The following CREB5 variants were observed in gnomAD, a reference collection of about 807,000 sequenced individuals.
CREB5 encodes cyclic AMP-responsive element-binding protein 5.
CREB5 carries 19 observed loss-of-function variants against 57.1 expected under a neutral mutation model. The observed-to-expected ratio is 0.33, with a 90% confidence interval of 0.23 to 0.49. The LOEUF (loss-of-function observed/expected upper bound fraction) is 0.49, where lower values mean the gene tolerates loss of function less well. CREB5 is among the 20% of genes least tolerant of loss of function. The pLI is 0.99. For missense variants in CREB5, 579 were observed against 671.6 expected, an observed-to-expected ratio of 0.86 and a Z score of 1.52; for synonymous variants, 238 against 238.3, an observed-to-expected ratio of 1.00 and a Z score of 0.01.
intron 1 of CREB5, among the ~76,000 whole-genome samples, chr7:28,343,465 C>T (rs545769179): frequency 6.6e-6 from 1 of 152,204 alleles, no homozygotes; most frequent in Non-Finnish European, 1.5e-5. Flanking sequence ...TCTGTGCCTG[C>T]CTGGCTTATT....
chr7:28,444,562 C>A (rs1789342345), intron 1 of CREB5, among the ~76,000 whole-genome samples: 1 of 152,192 alleles, frequency 6.6e-6, no homozygotes, highest in Non-Finnish European at 1.5e-5. Context: ...GGGAAAGACT[C>A]TTCCACTGGC....
chr7:28,481,925 A>G (rs913855282), intron 1 of CREB5, among the ~76,000 whole-genome samples: 7 of 152,118 alleles, frequency 4.6e-5, no homozygotes, highest in Non-Finnish European at 8.8e-5. Flanking sequence ...GACAAACACA[A>G]AGTAATTGAT....
In CREB5 at chr7:28,534,948, G is replaced by A. The variant is rs111709070; in HGVS notation, c.291+27211G>A. 4.3e-3 allele frequency among the ~76,000 whole-genome samples: 606 copies of A among 141,192 alleles called. 90 individuals carry two copies. Among genetic ancestry groups the A allele is most frequent in the African/African-American group, 0.014 (550 of 38,472 alleles). 92.6% of individuals were successfully genotyped at this position (141,192 alleles called of 152,430 possible). On this transcript the variant is annotated intron_variant, in intron 4 of 10. Transcript: ENST00000357727. ...TGAGTTCTCAAGGCCCTGATGTCCCGTATCACCTCCCAGTTATTTATTTAT... is the reference window on the plus strand; with the variant it reads ...TGAGTTCTCAAGGCCCTGATGTCCCATATCACCTCCCAGTTATTTATTTAT...
chr7:28,393,532 G>A (rs750999949), intron 1 of CREB5, among the ~76,000 whole-genome samples: 1 of 152,152 alleles, frequency 6.6e-6, no homozygotes, highest in Non-Finnish European at 1.5e-5. Flanking sequence ...GAAAATTCAG[G>A]TCAACTTTTG....
At chr7:28,535,750 T>C (rs1416142847) in intron 4 of CREB5, among the ~76,000 whole-genome samples, 1 of 152,058 alleles carries the variant, frequency 6.6e-6, no homozygotes, top group South Asian at 2.1e-4. Flanking sequence ...AAGAATACTA[T>C]TGATGTGGTG....
chr7:28,339,592 G>A (rs146620805), intron 1 of CREB5, among the ~76,000 whole-genome samples: 247 of 152,234 alleles, frequency 1.6e-3, no homozygotes, highest in African/African-American at 5.8e-3. Flanking sequence ...CCTGAAGCTA[G>A]CACAGCACTG....
At chr7:28,770,395 T>G (rs1404703174) in intron 7 of CREB5, among the ~76,000 whole-genome samples, 8 of 151,792 alleles carry the variant, frequency 5.3e-5, no homozygotes, top group Non-Finnish European at 1.0e-4. Context: ...CCCAGAGCAT[T>G]TCCACATTCT....
intron 4 of CREB5, among the ~76,000 whole-genome samples, chr7:28,530,894 G>A (rs1173141912): frequency 6.6e-6 from 1 of 152,190 alleles, no homozygotes; most frequent in African/African-American, 2.4e-5. Flanking sequence ...TCTTCTGCGG[G>A]AAAAATATGC....
chr7:28,563,404 T>A (rs937908719), intron 4 of CREB5, among the ~76,000 whole-genome samples: 6 of 152,228 alleles, frequency 3.9e-5, no homozygotes, highest in Non-Finnish European at 8.8e-5. Context: ...GCCCCAGACA[T>A]GATGGAGCTG....
intron 4 of CREB5, among the ~76,000 whole-genome samples, chr7:28,564,475 A>G (rs1253218885): frequency 6.6e-6 from 1 of 152,166 alleles, no homozygotes; most frequent in African/African-American, 2.4e-5. Flanking sequence ...TGCATTTTGT[A>G]TTCCAAGCCC....
chr7:28,474,142 A>G (rs939957135), intron 1 of CREB5, among the ~76,000 whole-genome samples: 10 of 152,106 alleles, frequency 6.6e-5, no homozygotes, highest in Non-Finnish European at 1.3e-4. Context: ...GGAGAGGGGA[A>G]GTTTTCTCTT....
intron 5 of CREB5, among the ~76,000 whole-genome samples, chr7:28,572,352 CA>C (rs1562804994): frequency 6.6e-6 from 1 of 152,178 alleles, no homozygotes; most frequent in Non-Finnish European, 1.5e-5. Context: ...CTCAAATGAC[CA>C]TGAGAGCAAA....
chr7:28,736,986 G>A (rs754089760), intron 7 of CREB5, among the ~76,000 whole-genome samples: 7 of 152,064 alleles, frequency 4.6e-5, no homozygotes, highest in African/African-American at 7.2e-5. Context: ...CCCAGATGGA[G>A]GGCCAGGCTG....
At chr7:28,657,522 A>T (rs1181331221) in intron 5 of CREB5, among the ~76,000 whole-genome samples, 1 of 152,052 alleles carries the variant, frequency 6.6e-6, no homozygotes, top group Non-Finnish European at 1.5e-5. Flanking sequence ...CAAGGTCAGG[A>T]GTTCGAGACC....
At chr7:28,666,948 A>G (rs1234390775) in intron 5 of CREB5, among the ~76,000 whole-genome samples, 1 of 151,928 alleles carries the variant, frequency 6.6e-6, no homozygotes, top group Non-Finnish European at 1.5e-5. Flanking sequence ...AAAAAAAAAA[A>G]AACCTCAAAA....
chr7:28,491,226 G>C lies in CREB5; in HGVS notation c.75+2980G>C, dbSNP rs192161628. The C allele has an allele frequency of 4.6e-3, 4,521 of 985,458 alleles. 12 individuals are homozygous for C. The highest frequency in any genetic ancestry group is 5.1e-3 in the Non-Finnish European group (4,202 of 829,968). The allele number at this position is 985,458 out of a possible 1,614,324, so 61.0% of individuals were successfully genotyped here. On this transcript the variant is annotated intron_variant, in intron 2 of 10. Coordinates refer to ENST00000357727, the MANE Select transcript of CREB5 (RefSeq NM_182898.4). Reference sequence around the variant, plus strand: ...TAAAAATTAAAGGATAGCCGAGCTGGAGTTTGTCAAGAACAAGAAACCAGT... The same window carrying C: ...TAAAAATTAAAGGATAGCCGAGCTGCAGTTTGTCAAGAACAAGAAACCAGT...
chr7:28,530,838 A>G (rs1014726295), intron 4 of CREB5, among the ~76,000 whole-genome samples: 3 of 152,204 alleles, frequency 2.0e-5, no homozygotes, highest in Admixed American at 6.5e-5. Flanking sequence ...CTGGCTGATG[A>G]TGGAGGCCAG....
chr7:28,640,321 T>C (rs776016373), intron 5 of CREB5, among the ~76,000 whole-genome samples: 1 of 152,240 alleles, frequency 6.6e-6, no homozygotes, highest in Non-Finnish European at 1.5e-5. Context: ...ATTTCTGTGG[T>C]ATTTTGATTT....
intron 5 of CREB5, among the ~76,000 whole-genome samples, chr7:28,715,136 A>G (rs1178800321): frequency 6.6e-6 from 1 of 152,212 alleles, no homozygotes; most frequent in Non-Finnish European, 1.5e-5. Context: ...TTACTACTTT[A>G]TAGAAAGTCC....
Sources: allele counts gnomAD v4.1 joint callset (sites outside exome capture counted in the v4.1 genomes callset), GRCh38; gene constraint gnomAD v4.1.1; transcripts MANE v1.5; gene names NCBI Gene and HGNC (gene_info 2026-07-23, HGNC 2026-07-21).